Variants in TRAPPC10 observed in about 807,000 individuals in gnomAD.
TRAPPC10 encodes the protein TRAPP 130 kDa subunit.
In TRAPPC10, 23 loss-of-function variants were observed where a neutral mutation model predicts 125.5. That is an observed-to-expected ratio of 0.18 (90% CI 0.13 to 0.26). The LOEUF (loss-of-function observed/expected upper bound fraction) is 0.26, where lower values mean the gene tolerates loss of function less well. Among genes scored for constraint, TRAPPC10 ranks in the 10% least tolerant of loss-of-function variants. TRAPPC10 has a pLI of 1.00. For missense variants in TRAPPC10, 1,123 were observed against 1,308.4 expected (o/e 0.86, Z 2.19); for synonymous variants, 509 against 518.0 (o/e 0.98, Z 0.24).
At chr21:44,056,499 TGA>T (rs1255328753) in intron 5 of TRAPPC10, among the ~76,000 whole-genome samples, 4 of 152,166 alleles carry the variant, frequency 2.6e-5, no homozygotes, top group African/African-American at 9.7e-5. Context: ...ACCACCTGAA[TGA>T]AATGATAAGG....
chr21:44,016,447 T>C (rs1569134400), intron 1 of TRAPPC10, among the ~76,000 whole-genome samples: 1 of 152,344 alleles, frequency 6.6e-6, no homozygotes, highest in East Asian at 1.9e-4. Flanking sequence ...TGAATTTCTC[T>C]GAACAATAAT....
intron 20 of TRAPPC10, among the ~76,000 whole-genome samples, chr21:44,095,319 C>T (rs2038855673): frequency 1.3e-5 from 2 of 152,090 alleles, no homozygotes; most frequent in African/African-American, 2.4e-5. Context: ...GATCTCGGCT[C>T]ACCACAACCT....
chr21:44,036,327 C>T (rs748065438), intron 2 of TRAPPC10, among the ~76,000 whole-genome samples: 1 of 152,220 alleles, frequency 6.6e-6, no homozygotes, highest in Non-Finnish European at 1.5e-5. Flanking sequence ...CCCTAGAATT[C>T]TTTATCATTC....
chr21:44,063,226 T>A lies in TRAPPC10; in HGVS notation c.791-312T>A. 7.9e-7 allele frequency: 1 copy of A among 1,265,058 alleles called. No individual in the cohort carries two copies. The highest frequency in any genetic ancestry group is 1.0e-6 in the Non-Finnish European group (1 of 988,664). 78.4% of individuals were successfully genotyped at this position (1,265,058 alleles called of 1,614,324 possible). A position where few individuals can be genotyped will look rare whatever the true frequency, so the allele number is the denominator to read the frequency against. On this transcript the variant is annotated intron_variant, in intron 6 of 22. Transcript: ENST00000291574. The surrounding 1 kb of genome is among the most constrained non-coding windows in gnomAD (Gnocchi z 4.4). ...CTAAGACTAGAGCCCTCCCTCGGCC[T>A]GAGACAGAGCCTGAGCTCCCCTAAC...
At chr21:44,023,664 GAA>G (rs1455362573) in intron 1 of TRAPPC10, among the ~76,000 whole-genome samples, 1 of 152,178 alleles carries the variant, frequency 6.6e-6, no homozygotes, top group African/African-American at 2.4e-5. Context: ...TCCTTTTAGT[GAA>G]AAATAGTATT....
intron 1 of TRAPPC10, among the ~76,000 whole-genome samples, chr21:44,028,827 G>A (rs555839140): frequency 2.6e-5 from 4 of 152,138 alleles, no homozygotes; most frequent in Non-Finnish European, 5.9e-5. Context: ...CCCCGTTTTG[G>A]CTCTTAGGAA....
chr21:44,056,295 A>C (rs185276533), intron 5 of TRAPPC10, among the ~76,000 whole-genome samples: 234 of 152,368 alleles, frequency 1.5e-3, no homozygotes, highest in African/African-American at 5.2e-3. Context: ...GCAGAAGGAA[A>C]GAAAAACAGA....
At chr21:44,072,467 T>C (rs748825164) in intron 7 of TRAPPC10, among the ~76,000 whole-genome samples, 12 of 152,050 alleles carry the variant, frequency 7.9e-5, no homozygotes, top group Non-Finnish European at 1.8e-4. Flanking sequence ...CTAGGAGGTG[T>C]TTGTTTGTTT....
intron 11 of TRAPPC10, among the ~76,000 whole-genome samples, chr21:44,078,174 T>C (rs1293988807): frequency 1.3e-5 from 2 of 152,178 alleles, no homozygotes; most frequent in Non-Finnish European, 2.9e-5. Context: ...GCCATTGATG[T>C]AAAGCTACTG....
At chr21:44,085,841 GA>G (rs1466695947) in intron 15 of TRAPPC10, among the ~76,000 whole-genome samples, 2 of 152,236 alleles carry the variant, frequency 1.3e-5, no homozygotes, top group Non-Finnish European at 2.9e-5. Context: ...ACAAATGATT[GA>G]AGAACATGTG....
At chr21:44,080,353 C>G (rs951543295) in intron 13 of TRAPPC10, among the ~76,000 whole-genome samples, 2 of 152,036 alleles carry the variant, frequency 1.3e-5, no homozygotes, top group Non-Finnish European at 2.9e-5. Context: ...TTAACCACAC[C>G]CAAAGAATTA....
intron 1 of TRAPPC10, among the ~76,000 whole-genome samples, chr21:44,019,385 C>T (rs1001210337): frequency 5.9e-5 from 9 of 152,294 alleles, no homozygotes; most frequent in Non-Finnish European, 1.2e-4. Flanking sequence ...ACATTCCCAC[C>T]TCAGTGCCTG....
chr21:44,018,835 A>G (rs1024453834), intron 1 of TRAPPC10, among the ~76,000 whole-genome samples: 1 of 152,142 alleles, frequency 6.6e-6, no homozygotes, highest in Non-Finnish European at 1.5e-5. Context: ...TTATCTTTTA[A>G]TGGAAATACA....
intron 7 of TRAPPC10, among the ~76,000 whole-genome samples, chr21:44,073,852 C>A (rs531988503): frequency 1.3e-5 from 2 of 152,128 alleles, no homozygotes; most frequent in South Asian, 2.1e-4. Flanking sequence ...TGAACGTGAT[C>A]TTTCTTAAAT....
At chr21:44,031,177 G>A (rs1569149436) in intron 1 of TRAPPC10, among the ~76,000 whole-genome samples, 2 of 152,070 alleles carry the variant, frequency 1.3e-5, no homozygotes, top group African/African-American at 4.8e-5. Flanking sequence ...TTATTTTTAG[G>A]CTTTTGATAG....
At chr21:44,038,506 ACT>A (rs775483125) in intron 3 of TRAPPC10, among the ~76,000 whole-genome samples, 1 of 150,614 alleles carries the variant, frequency 6.6e-6, no homozygotes, top group African/African-American at 2.5e-5. Context: ...GCGCCCCGTG[ACT>A]CTCCGTGGAA....
chr21:44,038,027 G>C, intron 3 of TRAPPC10, 100 bp downstream of exon 3: 1 of 1,491,848 alleles, frequency 6.7e-7, no homozygotes, highest in Admixed American at 2.0e-5. Flanking sequence ...CGCGTGGTGG[G>C]GTGGAGTTGG....
At chr21:44,013,384 C>T (rs2031401979) in intron 1 of TRAPPC10, among the ~76,000 whole-genome samples, 1 of 152,218 alleles carries the variant, frequency 6.6e-6, no homozygotes, top group African/African-American at 2.4e-5. Context: ...TTTTAGGTGA[C>T]TTGCAGAGAG....
At position 44,015,645 on chromosome 21, in the gene TRAPPC10, T is replaced by G. The variant is rs146372627; in HGVS notation, c.67+3085T>G. Among the ~76,000 whole-genome samples, 1,140 of 151,840 alleles carry G rather than the reference T, an allele frequency of 7.5e-3. 12 individuals carry two copies. The highest frequency in any genetic ancestry group is 0.024 in the Middle Eastern group (7 of 294). ...TTTTTTTCTGTCTGAGACAGAGTCT[T>G]GTTCTCTTGCCCAGGCTGGAGTGCA... is the stretch of plus-strand genomic sequence containing the variant. On this transcript the variant is annotated intron_variant, in intron 1 of 22. Coordinates refer to ENST00000291574, the MANE Select transcript of TRAPPC10 (RefSeq NM_003274.5).
Sources: allele counts gnomAD v4.1 joint callset (sites outside exome capture counted in the v4.1 genomes callset), GRCh38; gene constraint gnomAD v4.1.1; non-coding constraint Gnocchi (gnomAD v3.1); transcripts MANE v1.5; gene names NCBI Gene and HGNC (gene_info 2026-07-23, HGNC 2026-07-21).